GRID1: variants seen among roughly 807,000 people sequenced by gnomAD.
The protein encoded by GRID1 is glutamate receptor ionotropic, delta-1.
A neutral mutation model predicts 98.0 loss-of-function variants in GRID1; 28 were observed. The ratio of observed to expected loss-of-function variants is 0.29; its 90% CI spans 0.21 to 0.39. The LOEUF (loss-of-function observed/expected upper bound fraction) is 0.39. GRID1 is among the 10% of genes least tolerant of loss of function. The pLI, the probability that GRID1 is intolerant of heterozygous loss-of-function variation, is 1.00. For missense variants in GRID1, 1,111 were observed against 1,340.5 expected, an observed-to-expected ratio of 0.83 and a Z score of 2.67; for synonymous variants, 553 against 538.5, an observed-to-expected ratio of 1.03 and a Z score of -0.37.
intron 12 of GRID1, among the ~76,000 whole-genome samples, chr10:85,662,451 G>A (rs893055445): frequency 2.0e-5 from 3 of 152,182 alleles, no homozygotes; most frequent in Admixed American, 6.5e-5. Context: ...GAAAGGAGCC[G>A]CTGGGCCAGC....
intron 2 of GRID1, among the ~76,000 whole-genome samples, chr10:86,236,385 C>T (rs1846539332): frequency 6.6e-6 from 1 of 152,204 alleles, no homozygotes; most frequent in Admixed American, 6.5e-5. Flanking sequence ...TAACACTTTA[C>T]CATGTTGTAG....
chr10:85,649,088 G>T (rs1173831267), intron 12 of GRID1, among the ~76,000 whole-genome samples: 1 of 152,224 alleles, frequency 6.6e-6, no homozygotes, highest in Non-Finnish European at 1.5e-5. Flanking sequence ...AGTTCCTGAT[G>T]GTAACCAGTA....
chr10:86,364,199 G>A, intron 1 of GRID1, 103 bp from the exon 2 acceptor site: 1 of 928,858 alleles, frequency 1.1e-6, no homozygotes, highest in Admixed American at 2.1e-5. Flanking sequence ...TTGCCGGGTG[G>A]TGGGAAGTCT....
At chr10:86,041,809 G>A (rs1046326240) in intron 4 of GRID1, among the ~76,000 whole-genome samples, 15 of 152,178 alleles carry the variant, frequency 9.9e-5, no homozygotes, top group Non-Finnish European at 2.1e-4. Context: ...AAGGAGGAGC[G>A]TGAGTGTAGA....
At chr10:86,211,744 C>G (rs1461992899) in intron 2 of GRID1, among the ~76,000 whole-genome samples, 2 of 152,186 alleles carry the variant, frequency 1.3e-5, no homozygotes, top group African/African-American at 4.8e-5. Flanking sequence ...GTGCTAGTTG[C>G]TTGGCCAGGG....
At chr10:86,051,142 G>A (rs952636705) in intron 4 of GRID1, among the ~76,000 whole-genome samples, 1 of 151,262 alleles carries the variant, frequency 6.6e-6, no homozygotes, top group African/African-American at 2.4e-5. Flanking sequence ...AATTAAAACA[G>A]TGTGGTACAG....
At chr10:86,158,348 AGGC>A (rs1845274591) in intron 3 of GRID1, among the ~76,000 whole-genome samples, 1 of 152,260 alleles carries the variant, frequency 6.6e-6, no homozygotes, top group Non-Finnish European at 1.5e-5. Flanking sequence ...TGAGAATTAA[AGGC>A]CAGGTATTTG....
chr10:85,756,184 T>G (rs904143095), intron 8 of GRID1, among the ~76,000 whole-genome samples: 2 of 152,222 alleles, frequency 1.3e-5, no homozygotes, highest in Non-Finnish European at 2.9e-5. Flanking sequence ...CTTTTCATCT[T>G]AACTAAGCAC....
chr10:85,675,003 A>C (rs1011530756), intron 12 of GRID1, among the ~76,000 whole-genome samples: 1 of 152,180 alleles, frequency 6.6e-6, no homozygotes, highest in Non-Finnish European at 1.5e-5. Flanking sequence ...CGTTCAGTGC[A>C]CTATCAATAG....
At chr10:85,765,300 G>A (rs961621325) in intron 8 of GRID1, among the ~76,000 whole-genome samples, 1 of 152,148 alleles carries the variant, frequency 6.6e-6, no homozygotes, top group Non-Finnish European at 1.5e-5. Flanking sequence ...TAGCTGCACG[G>A]GCTGGCTTAG....
At chr10:85,958,137 G>C (rs950411654) in intron 4 of GRID1, among the ~76,000 whole-genome samples, 9 of 152,332 alleles carry the variant, frequency 5.9e-5, no homozygotes, top group African/African-American at 1.7e-4. Flanking sequence ...GTCAACCTGG[G>C]CCTCTCCTGG....
At chr10:86,360,420 A>G (rs565470687) in intron 2 of GRID1, among the ~76,000 whole-genome samples, 4 of 152,360 alleles carry the variant, frequency 2.6e-5, no homozygotes, top group African/African-American at 7.2e-5. Flanking sequence ...TACCTTCCAC[A>G]TTTTATATAA....
intron 4 of GRID1, among the ~76,000 whole-genome samples, chr10:85,924,553 A>G (rs1194266420): frequency 6.6e-6 from 1 of 152,230 alleles, no homozygotes; most frequent in Non-Finnish European, 1.5e-5. Flanking sequence ...CCCATATATC[A>G]TGCCTAACAA....
At chr10:86,077,136 T>C (rs941206148) in intron 4 of GRID1, among the ~76,000 whole-genome samples, 2 of 138,016 alleles carry the variant, frequency 1.4e-5, no homozygotes, top group Non-Finnish European at 3.2e-5. Flanking sequence ...GCGGGGACCA[T>C]GGTGGGTGAG....
chr10:85,649,821 C>A (rs534324090), intron 12 of GRID1, among the ~76,000 whole-genome samples: 3 of 152,208 alleles, frequency 2.0e-5, no homozygotes, highest in African/African-American at 4.8e-5. Flanking sequence ...TTTTAGTAGA[C>A]CTCACTGTTC....
chr10:85,628,442 GC>G, intron 13 of GRID1, among the ~76,000 whole-genome samples: 2 of 152,236 alleles, frequency 1.3e-5, no homozygotes, highest in South Asian at 4.2e-4. Flanking sequence ...GAGCACCATT[GC>G]CCCCAGGGAG....
intron 2 of GRID1, among the ~76,000 whole-genome samples, chr10:86,228,254 T>G (rs1589418653): frequency 9.6e-5 from 6 of 62,260 alleles, no homozygotes; most frequent in South Asian, 6.1e-4. Context: ...GATGGAGGGG[T>G]GGGGGAGAGG....
At chr10:86,210,013 G>C (rs1034328498) in intron 2 of GRID1, among the ~76,000 whole-genome samples, 1 of 152,158 alleles carries the variant, frequency 6.6e-6, no homozygotes, top group African/African-American at 2.4e-5. Context: ...GCACTGTCAG[G>C]GGGAAGAGCA....
intron 4 of GRID1, among the ~76,000 whole-genome samples, chr10:86,060,049 C>CG (rs1843628138): frequency 1.3e-5 from 2 of 152,246 alleles, no homozygotes; most frequent in Admixed American, 6.5e-5. Context: ...TTCAATGCTA[C>CG]GCACAGTGGC....
Sources: allele counts gnomAD v4.1 joint callset (sites outside exome capture counted in the v4.1 genomes callset), GRCh38; gene constraint gnomAD v4.1.1; transcripts MANE v1.5; gene names NCBI Gene and HGNC (gene_info 2026-07-23, HGNC 2026-07-21).